Variants in ZCCHC14 observed in about 807,000 individuals in gnomAD.
ZCCHC14 encodes the protein zinc finger CCHC domain-containing protein 14.
Under a neutral mutation model 85.0 loss-of-function variants are expected in ZCCHC14, and 16 were observed. The observed-to-expected ratio is 0.19, with a 90% CI of 0.13 to 0.29. The LOEUF is 0.29. ZCCHC14 is among the 10% of genes least tolerant of loss of function. The probability of loss-of-function intolerance (pLI) is 1.00; values close to 1 mark genes in which losing one functional copy is unlikely to be tolerated. For synonymous variants in ZCCHC14, 775 were observed against 630.7 expected (o/e 1.23, Z -3.43); for missense variants, 1,303 against 1,443.5 (o/e 0.90, Z 1.58).
chr16:87,459,833 T>C (rs919745909), intron 2 of ZCCHC14, among the ~76,000 whole-genome samples, 175 bp downstream of exon 2: 1 of 152,140 alleles, frequency 6.6e-6, no homozygotes, highest in Non-Finnish European at 1.5e-5. Context: ...CATCAATAAT[T>C]GAGATTTTTA....
At chr16:87,429,120 C>T (rs994381649) in intron 3 of ZCCHC14, among the ~76,000 whole-genome samples, 5 of 152,184 alleles carry the variant, frequency 3.3e-5, no homozygotes, top group Non-Finnish European at 5.9e-5. Context: ...GACTGTTTTC[C>T]GAAATAGCTG....
In ZCCHC14 at chr16:87,409,178, C is replaced by T. The variant is rs1908327296; in HGVS notation, c.*1102G>A. The T allele has an allele frequency of 6.6e-6, 1 of 152,258 alleles. No homozygotes were observed. The highest frequency in any genetic ancestry group is 6.5e-5 in the Admixed American group (1 of 15,288). The allele number at this position is 152,258 out of a possible 1,614,324, so 9.4% of individuals were successfully genotyped here. On this transcript the variant is annotated 3_prime_UTR_variant, in exon 13 of 13. Coordinates refer to ENST00000671377, the MANE Select transcript of ZCCHC14 (RefSeq NM_015144.3). ...TTTAACGGAATTAACTATCAATACA[C>T]AGCCTAATACAAAAGAAGTTGACAG...
At chr16:87,477,394 C>A (rs988607520) in intron 1 of ZCCHC14, among the ~76,000 whole-genome samples, 1 of 152,192 alleles carries the variant, frequency 6.6e-6, no homozygotes, top group Admixed American at 6.5e-5. Flanking sequence ...GGGCCGGCCG[C>A]GCACATGGGG....
intron 1 of ZCCHC14, among the ~76,000 whole-genome samples, chr16:87,463,706 C>A (rs1911383386): frequency 6.6e-6 from 1 of 152,100 alleles, no homozygotes; most frequent in Non-Finnish European, 1.5e-5. Flanking sequence ...ACCTGTAATC[C>A]CAGCTACTCG....
intron 2 of ZCCHC14, among the ~76,000 whole-genome samples, chr16:87,437,030 C>T (rs1909957382): frequency 6.6e-6 from 1 of 152,086 alleles, no homozygotes; most frequent in African/African-American, 2.4e-5. Flanking sequence ...TTCTGTGGAG[C>T]GTAAGCAAAT....
chr16:87,408,824 G>T lies in ZCCHC14; in HGVS notation c.*1456C>A, dbSNP rs1043378877. On this transcript the variant is annotated 3_prime_UTR_variant, in exon 13 of 13. Coordinates refer to ENST00000671377, the MANE Select transcript of ZCCHC14 (RefSeq NM_015144.3). The stretch of plus-strand genomic sequence containing the variant: ...CATGAGGCTGATTGTCCCATTTTAA[G>T]AATAGTCTGAATATTATAATTTTTT... 6.6e-6 allele frequency: 1 copy of T among 152,428 alleles called. No individual in the cohort carries two copies. The allele number at this position is 152,428 out of a possible 1,614,324, so 9.4% of individuals were successfully genotyped here. A position where few individuals can be genotyped will look rare whatever the true frequency, so the allele number is the denominator to read the frequency against.
intron 2 of ZCCHC14, among the ~76,000 whole-genome samples, chr16:87,446,091 C>T (rs571468910): frequency 3.5e-4 from 53 of 150,332 alleles, no homozygotes; most frequent in Non-Finnish European, 5.7e-4. Flanking sequence ...CACTTAAACC[C>T]GGGAGGCAGA....
chr16:87,473,535 T>A (rs1044774775), intron 1 of ZCCHC14: 1 of 152,248 alleles, frequency 6.6e-6, no homozygotes, highest in African/African-American at 2.4e-5. Context: ...AAGTACATAA[T>A]ACACACAATA....
rs773863159 is a variant in ZCCHC14 at position 87,412,593 on chromosome 16, G to C, written c.2128C>G (p.Gln710Glu). The C allele has an allele frequency of 1.2e-6, 2 of 1,614,184 alleles. No individual in the cohort carries two copies. Among genetic ancestry groups the C allele is most frequent in the Admixed American group, 1.7e-5 (1 of 60,026 alleles). ...LPASAPHQPV[Q>E]VLSGLSESSS... Reference sequence around the variant, plus strand: ...CTCTCCGAAAGCCCAGAGAGGACCTGCACAGGCTGGTGGGGTGCGGACGCG... The same window carrying C: ...CTCTCCGAAAGCCCAGAGAGGACCTCCACAGGCTGGTGGGGTGCGGACGCG... The change falls in exon 12 of 13, where the codon CAG becomes GAG. Residue 710 changes from glutamine (Q) to glutamate (E), a missense_variant. By Grantham distance (29) the Gln-to-Glu change is conservative. Coordinates refer to ENST00000671377, the MANE Select transcript of ZCCHC14 (RefSeq NM_015144.3).
At chr16:87,467,560 C>A in intron 1 of ZCCHC14, 2 of 1,565,116 alleles carry the variant, frequency 1.3e-6, no homozygotes, top group Non-Finnish European at 8.8e-7. Flanking sequence ...GTCATCCCAC[C>A]AATTCCCGTT....
chr16:87,438,438 G>A (rs1179427194), intron 2 of ZCCHC14, among the ~76,000 whole-genome samples: 1 of 152,180 alleles, frequency 6.6e-6, no homozygotes, highest in East Asian at 1.9e-4. Flanking sequence ...TACTTTTTTA[G>A]ATACAGAGAA....
chr16:87,423,559 C>G (rs1362695894), intron 4 of ZCCHC14, among the ~76,000 whole-genome samples: 1 of 152,146 alleles, frequency 6.6e-6, no homozygotes, highest in South Asian at 2.1e-4. Context: ...CGCTCATGCC[C>G]GGCGCATCTC....
chr16:87,456,568 G>C (rs985872565), intron 2 of ZCCHC14, among the ~76,000 whole-genome samples: 25 of 102,508 alleles, frequency 2.4e-4, no homozygotes, highest in African/African-American at 7.1e-4. Context: ...AAAAAATTTA[G>C]ATTTTAGGTG....
chr16:87,472,436 A>G (rs1911812503), intron 1 of ZCCHC14: 2 of 152,322 alleles, frequency 1.3e-5, no homozygotes, highest in Admixed American at 1.3e-4. Flanking sequence ...CGAGGCACGC[A>G]TGCAAAGCCT....
At position 87,460,248 on chromosome 16, in the gene ZCCHC14, G is replaced by GTAT. The variant is rs1184820998; in HGVS notation, c.571-120_571-118dup. The GTAT allele has an allele frequency of 4.5e-6, 6 of 1,320,574 alleles. No homozygotes were observed. The African/African-American group carries it at 8.9e-5, about 20-fold the overall frequency. 81.8% of individuals were successfully genotyped at this position (1,320,574 alleles called of 1,614,324 possible). On this transcript the variant is annotated intron_variant, in intron 1 of 12. Transcript: ENST00000671377. ...TGGTTTCCATTTTTCTACAAAACATGTATTATTATAATAATAAGCCTTCCC... is the reference window on the plus strand; with the variant it reads ...TGGTTTCCATTTTTCTACAAAACATGTATTATTATTATAATAATAAGCCTTCCC...
Position 87,491,998 on chromosome 16 carries a change from C to G in ZCCHC14, c.241G>C (p.Glu81Gln). The change falls in exon 1 of 13, where the codon GAG becomes CAG. Residue 81 changes from glutamate to glutamine, a missense_variant. Glu to Gln is a conservative substitution (Grantham distance 29). Around this residue, in one of 7 missense-constraint regions of ZCCHC14, gnomAD observed 1 missense variants for 40.4 expected, o/e 0.02. Transcript: ENST00000671377. This position sits in a 1 kb window ranked among gnomAD's most constrained non-coding sequence, Gnocchi z 5.9. ...ACCAGCAGCTTGCTGCGCACCACCT[C>G]GTCCGTCAGGTTGGTGAGGCTGCCC... ...DLGSLTNLTD[E>Q]VVRSKLLVSL... 1.4e-6 allele frequency: 2 copies of G among 1,393,952 alleles called. No individual in the cohort carries two copies. The highest frequency in any genetic ancestry group is 3.2e-5 in the South Asian group (2 of 62,224). The allele number at this position is 1,393,952 out of a possible 1,614,324, so 86.3% of individuals were successfully genotyped here.
chr16:87,423,710 G>A (rs1029421534), intron 4 of ZCCHC14, 100 bp downstream of exon 4: 25 of 1,365,806 alleles, frequency 1.8e-5, no homozygotes, highest in African/African-American at 8.7e-5. Flanking sequence ...ACGCTCACTC[G>A]CTAGCTGAAG....
chr16:87,433,722 A>T (rs1187628287), intron 2 of ZCCHC14, among the ~76,000 whole-genome samples: 1 of 151,536 alleles, frequency 6.6e-6, no homozygotes, highest in Non-Finnish European at 1.5e-5. Context: ...GCTCACTGCA[A>T]CCTCTGCCTC....
intron 2 of ZCCHC14, among the ~76,000 whole-genome samples, chr16:87,439,193 G>C (rs1290627262): frequency 6.6e-6 from 1 of 151,458 alleles, no homozygotes; most frequent in Admixed American, 6.6e-5. Context: ...GGCTGGAGTG[G>C]CATGATCTCA....
Sources: allele counts gnomAD v4.1 joint callset (sites outside exome capture counted in the v4.1 genomes callset), GRCh38; gene constraint gnomAD v4.1.1; regional missense constraint gnomAD v4.1.1; non-coding constraint Gnocchi (gnomAD v3.1); transcripts MANE v1.5; gene names NCBI Gene and HGNC (gene_info 2026-07-23, HGNC 2026-07-21).